The following PHLPP1 variants were observed in gnomAD, a reference collection of about 807,000 sequenced individuals.
PHLPP1 encodes PH domain leucine-rich repeat-containing protein phosphatase 1.
Under a neutral mutation model 117.2 loss-of-function variants are expected in PHLPP1, and 42 were observed. That is an observed-to-expected ratio of 0.36 (90% CI 0.28 to 0.46). The LOEUF (loss-of-function observed/expected upper bound fraction) is 0.46, where lower values mean the gene tolerates loss of function less well. PHLPP1 is among the 20% of genes least tolerant of loss of function. The pLI is 1.00. For missense variants in PHLPP1, 2,084 were observed against 2,241.9 expected (o/e 0.93, Z 1.42); for synonymous variants, 1,042 against 970.7 (o/e 1.07, Z -1.37).
At chr18:62,773,509 G>T (rs975196433) in intron 1 of PHLPP1, among the ~76,000 whole-genome samples, 19 of 152,148 alleles carry the variant, frequency 1.2e-4, no homozygotes, top group African/African-American at 4.6e-4. Flanking sequence ...TTGTTCGTTT[G>T]TGTGTTTTCT....
At chr18:62,949,713 G>C (rs536227383) in intron 12 of PHLPP1, among the ~76,000 whole-genome samples, 1 of 152,068 alleles carries the variant, frequency 6.6e-6, no homozygotes, top group Non-Finnish European at 1.5e-5. Context: ...AAACAGACAG[G>C]CCTCCCTCTG....
chr18:62,798,750 GGGT>G (rs1241634005), intron 1 of PHLPP1, among the ~76,000 whole-genome samples: 5 of 151,840 alleles, frequency 3.3e-5, no homozygotes, highest in Admixed American at 6.6e-5. Flanking sequence ...TGAGCTGTCT[GGGT>G]GGTCACTGTG....
chr18:62,783,356 T>A (rs961948724), intron 1 of PHLPP1, among the ~76,000 whole-genome samples: 62 of 151,694 alleles, frequency 4.1e-4, no homozygotes, highest in African/African-American at 1.5e-3. Context: ...GCCTCCTGAG[T>A]AGCTGGGACT....
At chr18:62,770,777 A>G (rs1912739215) in intron 1 of PHLPP1, among the ~76,000 whole-genome samples, 1 of 152,098 alleles carries the variant, frequency 6.6e-6, no homozygotes, top group Non-Finnish European at 1.5e-5. Context: ...ACATAATAAG[A>G]TATCTTGGGG....
intron 1 of PHLPP1, among the ~76,000 whole-genome samples, chr18:62,756,383 C>G (rs2144241799): frequency 6.6e-6 from 1 of 152,330 alleles, no homozygotes; most frequent in Middle Eastern, 3.4e-3. Flanking sequence ...GAGGCCCACA[C>G]ATTTAGCATG....
intron 1 of PHLPP1, among the ~76,000 whole-genome samples, chr18:62,735,340 T>A (rs967338462): frequency 6.6e-6 from 1 of 152,128 alleles, no homozygotes; most frequent in Non-Finnish European, 1.5e-5. Flanking sequence ...TGTCTTGGCC[T>A]CCCAAAGTGC....
intron 1 of PHLPP1, among the ~76,000 whole-genome samples, chr18:62,805,604 T>C (rs1053954429): frequency 6.6e-6 from 1 of 152,116 alleles, no homozygotes; most frequent in East Asian, 1.9e-4. Context: ...TAAGTGATCC[T>C]CCTATCTCAG....
intron 1 of PHLPP1, among the ~76,000 whole-genome samples, chr18:62,768,917 A>G (rs1383197431): frequency 6.6e-6 from 1 of 152,198 alleles, no homozygotes; most frequent in Non-Finnish European, 1.5e-5. Context: ...CAAGAAAATG[A>G]TTTATATGCT....
intron 1 of PHLPP1, among the ~76,000 whole-genome samples, chr18:62,743,523 A>G (rs1243195888): frequency 6.6e-6 from 1 of 152,158 alleles, no homozygotes; most frequent in Non-Finnish European, 1.5e-5. Context: ...AAGTATCGCC[A>G]TACAGAAATA....
At chr18:62,945,551 A>G (rs144563092) in intron 12 of PHLPP1, among the ~76,000 whole-genome samples, 4 of 152,228 alleles carry the variant, frequency 2.6e-5, no homozygotes, top group African/African-American at 9.6e-5. Flanking sequence ...GCCACCCTAT[A>G]CTTCTTTATC....
chr18:62,905,064 C>T (rs1916811297), intron 7 of PHLPP1, among the ~76,000 whole-genome samples, 160 bp from the exon 8 acceptor site: 1 of 152,194 alleles, frequency 6.6e-6, no homozygotes, highest in East Asian at 1.9e-4. Context: ...TTCTTTTTTA[C>T]TTTTCCTGCA....
chr18:62,891,554 C>T, intron 4 of PHLPP1, among the ~76,000 whole-genome samples: 1 of 151,962 alleles, frequency 6.6e-6, no homozygotes, highest in Non-Finnish European at 1.5e-5. Context: ...CACTGCACTC[C>T]AGCCTAGATG....
chr18:62,951,470 T>C (rs1910456468), intron 12 of PHLPP1, among the ~76,000 whole-genome samples: 1 of 152,186 alleles, frequency 6.6e-6, no homozygotes, highest in Admixed American at 6.5e-5. Flanking sequence ...GAGAGGCTTC[T>C]GGAGAAAGGA....
intron 2 of PHLPP1, among the ~76,000 whole-genome samples, chr18:62,834,638 GTGT>G (rs894041530): frequency 2.0e-5 from 3 of 152,176 alleles, no homozygotes; most frequent in African/African-American, 7.2e-5. Context: ...CAGTGTACAA[GTGT>G]TGTTTCTCCA....
At chr18:62,717,293 A>C (rs371159279) in intron 1 of PHLPP1, 34 bp downstream of exon 1, 1 of 1,536,048 alleles carries the variant, frequency 6.5e-7, no homozygotes, top group South Asian at 1.3e-5. Flanking sequence ...GGGTGGTTGC[A>C]AAAGCTGCCG....
chr18:62,860,834 A>G (rs2144362301), intron 4 of PHLPP1, among the ~76,000 whole-genome samples: 1 of 152,322 alleles, frequency 6.6e-6, no homozygotes, highest in South Asian at 2.1e-4. Flanking sequence ...TTAACTGGAT[A>G]GAGTTGTGTA....
chr18:62,879,779 C>T (rs1916133106), intron 4 of PHLPP1, among the ~76,000 whole-genome samples: 1 of 152,156 alleles, frequency 6.6e-6, no homozygotes, highest in African/African-American at 2.4e-5. Flanking sequence ...TCATCCCAGA[C>T]CTGAATCAGA....
chr18:62,911,276 G>A (rs1394898183), intron 8 of PHLPP1, among the ~76,000 whole-genome samples: 2 of 54,986 alleles, frequency 3.6e-5, no homozygotes, highest in East Asian at 3.0e-4. Context: ...AAAAGCAATG[G>A]CAACAAAAGC....
chr18:62,765,323 T>C (rs898264965), intron 1 of PHLPP1, among the ~76,000 whole-genome samples: 1 of 152,226 alleles, frequency 6.6e-6, no homozygotes, highest in Non-Finnish European at 1.5e-5. Context: ...TTCTTAAAGT[T>C]CAGCCCTAAT....
Sources: gnomAD v4.1 joint callset for allele counts (sites outside exome capture counted in the v4.1 genomes callset) on GRCh38, gnomAD v4.1.1 for gene constraint, MANE v1.5 for transcripts, NCBI Gene and HGNC (gene_info 2026-07-23, HGNC 2026-07-21) for gene names.